The following AUTS2 variants were observed in gnomAD, a reference collection of about 807,000 sequenced individuals.
AUTS2 encodes activator of transcription and developmental regulator AUTS2, also known as autism susceptibility gene 2 protein.
In AUTS2, 17 loss-of-function variants were observed where a neutral mutation model predicts 112.4. That is an observed-to-expected ratio of 0.15 (90% CI 0.10 to 0.23). The LOEUF is 0.23. Ranked by LOEUF, AUTS2 falls within the 10% of genes least tolerant of loss-of-function variation. AUTS2 has a pLI of 1.00. For synonymous variants in AUTS2, 751 were observed against 702.7 expected (o/e 1.07, Z -1.09); for missense variants, 1,510 against 1,701.6 (o/e 0.89, Z 1.98).
chr7:69,828,864 C>T (rs910050497), intron 1 of AUTS2, among the ~76,000 whole-genome samples: 3 of 152,128 alleles, frequency 2.0e-5, no homozygotes, highest in African/African-American at 7.2e-5. Flanking sequence ...TGACATGATA[C>T]ATAACTCCTA....
At chr7:70,716,042 G>A (rs1056511466) in intron 6 of AUTS2, among the ~76,000 whole-genome samples, 10 of 152,354 alleles carry the variant, frequency 6.6e-5, no homozygotes, top group African/African-American at 1.2e-4. Flanking sequence ...AACCTGAATC[G>A]TGTTTGGTCT....
In AUTS2 at chr7:70,790,556, C is replaced by T. The variant is rs2129561683; in HGVS notation, c.3340C>T (p.Arg1114Cys). 6.2e-7 allele frequency: 1 copy of T among 1,604,306 alleles called. No individual in the cohort carries two copies. The highest frequency in any genetic ancestry group is 8.5e-7 in the Non-Finnish European group (1 of 1,175,994). ...LSTPRLYEAD[R>C]SFRDREPHDY... The stretch of plus-strand genomic sequence containing the variant: ...GACTCCCCGGCTGTACGAAGCCGAC[C>T]GCTCCTTCAGGGACCGGGAGCCTCA... Residue 1114 changes from arginine (R) to cysteine (C), a missense_variant, in exon 19 of 19, where the codon CGC becomes TGC. By Grantham distance (180) the Arg-to-Cys change is radical (BLOSUM62 -3). Coordinates refer to ENST00000342771, the MANE Select transcript of AUTS2 (RefSeq NM_015570.4). This position sits in a 1 kb window ranked among gnomAD's most constrained non-coding sequence, Gnocchi z 7.6.
In AUTS2 at chr7:69,971,316, T is replaced by C. The variant is rs149662788; in HGVS notation, c.522+71818T>C. Among the ~76,000 whole-genome samples the C allele has an allele frequency of 6.2e-3, 952 of 152,332 alleles. 41 individuals are homozygous for C. Among genetic ancestry groups the C allele is most frequent in the Admixed American group, 0.049 (748 of 15,294 alleles). ...CTTGGGCAATATATTGAAACTCAAT[T>C]GAATTGTTTTCTCATCTATTAAATG... On this transcript the variant is annotated intron_variant, in intron 2 of 18. Coordinates refer to ENST00000342771, the MANE Select transcript of AUTS2 (RefSeq NM_015570.4).
chr7:70,500,643 CCAGT>C (rs1386965255), intron 5 of AUTS2, among the ~76,000 whole-genome samples: 1 of 152,158 alleles, frequency 6.6e-6, no homozygotes, highest in African/African-American at 2.4e-5. Context: ...CCCGCTTCAG[CCAGT>C]AAGTTCAAGT....
chr7:70,566,722 C>A (rs1259427868), intron 5 of AUTS2, among the ~76,000 whole-genome samples: 1 of 152,074 alleles, frequency 6.6e-6, no homozygotes, highest in Non-Finnish European at 1.5e-5. Flanking sequence ...TCCAGTGAAG[C>A]CAGAAGGATA....
intron 4 of AUTS2, among the ~76,000 whole-genome samples, chr7:70,430,896 C>T (rs1275846879): frequency 3.9e-5 from 5 of 127,268 alleles, no homozygotes; most frequent in African/African-American, 6.1e-5. Flanking sequence ...AGTGCAGTGG[C>T]GGGATCTCGG....
chr7:70,660,999 G>A (rs1807042198), intron 5 of AUTS2, among the ~76,000 whole-genome samples: 2 of 152,080 alleles, frequency 1.3e-5, no homozygotes, highest in South Asian at 2.1e-4. Context: ...CATGACACAT[G>A]TCACACCCTG....
intron 4 of AUTS2, among the ~76,000 whole-genome samples, chr7:70,240,180 G>T (rs1026370261): frequency 2.6e-5 from 4 of 152,146 alleles, no homozygotes; most frequent in Non-Finnish European, 5.9e-5. Context: ...TATAGAAGGA[G>T]ATTTAATGCA....
chr7:70,351,525 A>G (rs183763076), intron 4 of AUTS2, among the ~76,000 whole-genome samples: 2 of 151,978 alleles, frequency 1.3e-5, no homozygotes, highest in Admixed American at 1.3e-4. Context: ...CAAGATGTTA[A>G]TTTCATTTTC....
chr7:69,899,916 T>C (rs1403267021), intron 2 of AUTS2, among the ~76,000 whole-genome samples: 2 of 152,214 alleles, frequency 1.3e-5, no homozygotes, highest in Admixed American at 1.3e-4. Flanking sequence ...GTGTGAGAAA[T>C]GCCTTGCTAA....
chr7:69,724,285 G>T (rs1332476985), intron 1 of AUTS2, among the ~76,000 whole-genome samples: 3 of 152,112 alleles, frequency 2.0e-5, no homozygotes, highest in Non-Finnish European at 2.9e-5. Context: ...GATTTCATTA[G>T]CTTTTAATAA....
intron 2 of AUTS2, among the ~76,000 whole-genome samples, chr7:70,037,036 A>G (rs1198905138): frequency 1.3e-5 from 2 of 152,192 alleles, no homozygotes; most frequent in Non-Finnish European, 2.9e-5. Flanking sequence ...TATTTATACA[A>G]TCTATAATGG....
intron 4 of AUTS2, among the ~76,000 whole-genome samples, chr7:70,311,476 T>C (rs1031450829): frequency 1.3e-5 from 2 of 152,246 alleles, no homozygotes; most frequent in African/African-American, 4.8e-5. Context: ...CAGTAGGGTA[T>C]AACTCCTCTG....
intron 2 of AUTS2, among the ~76,000 whole-genome samples, chr7:69,989,147 C>A (rs575702332): frequency 6.6e-6 from 1 of 152,236 alleles, no homozygotes; most frequent in Admixed American, 6.5e-5. Flanking sequence ...ATTTGTAACT[C>A]CAGATAGTCA....
rs1358684354 is a variant in AUTS2 at position 70,787,285 on chromosome 7, G to T, written c.2385G>T (p.Arg795=). The T allele has an allele frequency of 6.2e-7, 1 of 1,614,184 alleles. No homozygotes were observed. The highest frequency in any genetic ancestry group is 1.7e-5 in the Admixed American group (1 of 60,020). ...GCAACCCTCACGAACCCTGGAACCG[G>T]CTGCACCGAACGCCTCCGTCGTTCC... ...NFSNPHEPWN[R]LHRTPPSFPT... is the part of the protein sequence containing the mutation. Residue 795 remains arginine, a synonymous_variant, in exon 18 of 19, where the codon CGG becomes CGT. Transcript: ENST00000342771.
chr7:70,567,751 C>A (rs1177348079), intron 5 of AUTS2, among the ~76,000 whole-genome samples: 1 of 152,160 alleles, frequency 6.6e-6, no homozygotes, highest in Admixed American at 6.5e-5. Context: ...TCGTTCAAAG[C>A]ACTTCCTGGT....
At chr7:70,644,887 G>A (rs62456780) in intron 5 of AUTS2, among the ~76,000 whole-genome samples, 10,602 of 152,218 alleles carry the variant, frequency 0.07, 463 homozygotes, top group East Asian at 0.14. Context: ...GGATGGCCCA[G>A]AAGTGTTTCT....
intron 1 of AUTS2, among the ~76,000 whole-genome samples, chr7:69,736,474 T>G (rs1042038784): frequency 6.6e-6 from 1 of 152,222 alleles, no homozygotes; most frequent in Admixed American, 6.5e-5. Flanking sequence ...TTGTGAAGTC[T>G]CTGAAGTGTT....
chr7:69,702,158 T>C (rs1584098887), intron 1 of AUTS2, among the ~76,000 whole-genome samples: 1 of 152,184 alleles, frequency 6.6e-6, no homozygotes, highest in African/African-American at 2.4e-5. Flanking sequence ...TGGATGCTCA[T>C]GTGTGGTCTT....
Sources: allele counts gnomAD v4.1 joint callset (sites outside exome capture counted in the v4.1 genomes callset), GRCh38; gene constraint gnomAD v4.1.1; non-coding constraint Gnocchi (gnomAD v3.1); transcripts MANE v1.5; gene names NCBI Gene and HGNC (gene_info 2026-07-23, HGNC 2026-07-21).